The following VPS13C variants were observed in gnomAD, a reference collection of about 807,000 sequenced individuals.
VPS13C encodes the protein intermembrane lipid transfer protein VPS13C.
A neutral mutation model predicts 456.8 loss-of-function variants in VPS13C; 358 were observed. That is an observed-to-expected ratio of 0.78 (90% CI 0.72 to 0.86). The LOEUF (loss-of-function observed/expected upper bound fraction) is 0.86, where lower values mean the gene tolerates loss of function less well. Ranked by LOEUF, VPS13C falls within the 40% of genes least tolerant of loss-of-function variation. The probability of loss-of-function intolerance (pLI) is 0.00; values close to 1 mark genes in which losing one functional copy is unlikely to be tolerated. For synonymous variants in VPS13C, 1,578 were observed against 1,486.7 expected, an observed-to-expected ratio of 1.06 and a Z score of -1.41; for missense variants, 4,818 against 4,385.4, an observed-to-expected ratio of 1.10 and a Z score of -2.79.
intron 16 of VPS13C, among the ~76,000 whole-genome samples, chr15:61,992,213 T>C (rs1473406093): frequency 8.5e-5 from 13 of 152,186 alleles, no homozygotes; most frequent in East Asian, 1.9e-4. Flanking sequence ...AGAATTCATA[T>C]ACAATGCTGG....
chr15:62,045,374 G>A lies in VPS13C; in HGVS notation c.101-1119C>T, dbSNP rs1304361561. On this transcript the variant is annotated intron_variant, in intron 1 of 84. Transcript: ENST00000644861. ...AGAAGCGTACACAAGATGAAAAGGA[G>A]GAGTCACCTAATTGCCTAGGGAAAT... 3.9e-5 allele frequency among the ~76,000 whole-genome samples: 6 copies of A among 152,184 alleles called. No individual in the cohort carries two copies. In the East Asian group the frequency reaches 1.2e-3, roughly 29 times the overall value.
Position 61,869,592 on chromosome 15 carries a change from A to G in VPS13C, c.10656T>C (p.Phe3552=). 6.2e-7 allele frequency: 1 copy of G among 1,614,156 alleles called. No individual in the cohort carries two copies. The highest frequency in any genetic ancestry group is 8.5e-7 in the Non-Finnish European group (1 of 1,180,008). The change falls in exon 80 of 85, where the codon TTT becomes TTC. Residue 3552 remains phenylalanine (F), a synonymous_variant. Transcript: ENST00000644861. ...CCACAAGCCCTTTTCCAATTCCTTT[A>G]AAGAATCCAGCAGCTCCTTCCTTTT... ...GAKKEGAAGF[F]KGIGKGLVGA...
rs776704446 is a variant in VPS13C, at chr15:62,008,685, T to C, written c.1088A>G (p.Tyr363Cys). 4 of 1,607,112 alleles carry C rather than the reference T, an allele frequency of 2.5e-6. No individual in the cohort carries two copies. Among genetic ancestry groups the C allele is most frequent in the South Asian group, 1.1e-5 (1 of 89,634 alleles). ...TCGACCATTGGTATGAAGTGGTAAA[T>C]AAGGCTTGTATTTCCTATAAGGCGC... Reference protein sequence around the residue: ...RNAPYRKYKPYLPLHTNGRRW... With the variant: ...RNAPYRKYKPCLPLHTNGRRW... The change falls in exon 14 of 85, where the codon TAT becomes TGT. Residue 363 changes from tyrosine (Y) to cysteine (C), a missense_variant. By Grantham distance (194) the Tyr-to-Cys change is radical. Around this residue, in one of 3 missense-constraint regions of VPS13C, gnomAD observed 4,552 missense variants for 4,130.6 expected, o/e 1.10. Coordinates refer to ENST00000644861, the MANE Select transcript of VPS13C (RefSeq NM_020821.3).
chr15:61,866,392 T>C, intron 81 of VPS13C: 13 of 983,418 alleles, frequency 1.3e-5, no homozygotes, highest in Non-Finnish European at 1.6e-5. Context: ...TATAAAAAGA[T>C]ATCACAAGGA....
Position 61,867,559 on chromosome 15 carries a change from T to A in VPS13C, c.10863+1100A>T. ...ACATAAACATATTAATTGGACATAA[T>A]AATTGTCCTGTTTTTCAATTTTACC... On this transcript the variant is annotated intron_variant, in intron 81 of 84. Coordinates refer to ENST00000644861, the MANE Select transcript of VPS13C (RefSeq NM_020821.3). This position sits in a 1 kb window ranked among gnomAD's most constrained non-coding sequence, Gnocchi z 5.0. The A allele has an allele frequency of 9.8e-7, 1 of 1,015,810 alleles. No individual in the cohort carries two copies. Among genetic ancestry groups the A allele is most frequent in the Non-Finnish European group, 1.2e-6 (1 of 850,764 alleles). The allele number at this position is 1,015,810 out of a possible 1,614,324, so 62.9% of individuals were successfully genotyped here.
At chr15:61,964,023 T>C (rs1378612988) in intron 31 of VPS13C, 72 bp from the exon 32 acceptor site, 6 of 921,368 alleles carry the variant, frequency 6.5e-6, no homozygotes, top group Non-Finnish European at 8.3e-6. Context: ...GTTTATTCGC[T>C]ATATTAAGTG....
chr15:61,927,405 T>C (rs2043891683), intron 51 of VPS13C, 85 bp from the exon 52 acceptor site: 2 of 1,052,140 alleles, frequency 1.9e-6, no homozygotes, highest in Non-Finnish European at 2.8e-6. Flanking sequence ...TGTTAAGTTG[T>C]TCTCAATGTT....
At chr15:61,999,973 T>G (rs115392235) in intron 16 of VPS13C, among the ~76,000 whole-genome samples, 30 of 151,474 alleles carry the variant, frequency 2.0e-4, no homozygotes, top group Non-Finnish European at 3.7e-4. Context: ...GAAAAACTGA[T>G]AGCCAAAATT....
At chr15:62,024,845 T>A (rs1217744892) in intron 6 of VPS13C, among the ~76,000 whole-genome samples, 4 of 152,098 alleles carry the variant, frequency 2.6e-5, no homozygotes, top group African/African-American at 9.7e-5. Flanking sequence ...TTCTAATGCC[T>A]AATGCCTCTA....
intron 35 of VPS13C, among the ~76,000 whole-genome samples, chr15:61,960,298 A>G (rs1596385189): frequency 6.6e-6 from 1 of 152,180 alleles, no homozygotes; most frequent in African/African-American, 2.4e-5. Context: ...AAGACAAAGA[A>G]AAGCTGAAGA....
At chr15:61,939,483 T>C (rs527831966) in intron 47 of VPS13C, among the ~76,000 whole-genome samples, 11 of 152,344 alleles carry the variant, frequency 7.2e-5, no homozygotes, top group African/African-American at 2.2e-4. Flanking sequence ...GAACCAACTC[T>C]GAAATAATCA....
intron 15 of VPS13C, among the ~76,000 whole-genome samples, chr15:62,006,071 T>G (rs964552552): frequency 6.7e-5 from 10 of 148,662 alleles, no homozygotes; most frequent in African/African-American, 2.4e-4. Flanking sequence ...GCTGTTTTTT[T>G]GTTTTTGTTT....
chr15:61,856,436 T>C, intron 82 of VPS13C, 27 bp from the exon 83 acceptor site: 1 of 1,609,594 alleles, frequency 6.2e-7, no homozygotes, highest in South Asian at 1.1e-5. Context: ...AACAAAAACT[T>C]ACAGTAAATG....
At position 61,982,579 on chromosome 15, in the gene VPS13C, A is replaced by G. The variant is rs771941212; in HGVS notation, c.1915-6T>C. The G allele has an allele frequency of 1.1e-5, 17 of 1,592,304 alleles. No individual in the cohort carries two copies. Among genetic ancestry groups the G allele is most frequent in the South Asian group, 2.3e-5 (2 of 86,330 alleles). On this transcript the variant is annotated splice_polypyrimidine_tract_variant and splice_region_variant and intron_variant, in intron 20 of 84. Transcript: ENST00000644861. The stretch of plus-strand genomic sequence containing the variant: ...ACCACTGCATTGACAGTTTTCTATA[A>G]GAAAATTTTTTTAACATAACCAAGT...
chr15:62,030,986 G>T (rs532513996), intron 5 of VPS13C, among the ~76,000 whole-genome samples: 3 of 151,994 alleles, frequency 2.0e-5, no homozygotes, highest in African/African-American at 7.2e-5. Flanking sequence ...TAGCATTTGC[G>T]AATCTTTTGG....
intron 16 of VPS13C, among the ~76,000 whole-genome samples, chr15:62,000,087 C>G (rs1269078026): frequency 6.6e-6 from 1 of 152,032 alleles, no homozygotes; most frequent in East Asian, 1.9e-4. Flanking sequence ...AGTGGCCAGG[C>G]GCAGTGGCTC....
At chr15:62,022,573 A>G (rs895962825) in intron 8 of VPS13C, among the ~76,000 whole-genome samples, 2 of 151,976 alleles carry the variant, frequency 1.3e-5, no homozygotes, top group African/African-American at 4.8e-5. Context: ...TCAAGTCAGT[A>G]TAAGACAGAG....
rs903671613 is a variant in VPS13C, at chr15:61,867,485, G to A, written c.10863+1174C>T. 54 of 988,382 alleles carry A rather than the reference G, an allele frequency of 5.5e-5. No individual in the cohort carries two copies. In the Middle Eastern group the frequency reaches 2.6e-3, roughly 48 times the overall value. 61.2% of individuals were successfully genotyped at this position (988,382 alleles called of 1,614,324 possible). ...GTCCCGTAACTTAAGCAAATTTAGA[G>A]CCATTTGTGAAACAGAAAGCTATGT... On this transcript the variant is annotated intron_variant, in intron 81 of 84. Transcript: ENST00000644861. The surrounding 1 kb of genome is among the most constrained non-coding windows in gnomAD (Gnocchi z 5.0).
intron 40 of VPS13C, 42 bp downstream of exon 40, chr15:61,950,903 T>C (rs775080020): frequency 5.3e-6 from 7 of 1,313,742 alleles, no homozygotes; most frequent in African/African-American, 1.5e-5. Flanking sequence ...TATAACTTCA[T>C]ATATTCAAAT....
Sources: gnomAD v4.1 joint callset for allele counts (sites outside exome capture counted in the v4.1 genomes callset) on GRCh38, gnomAD v4.1.1 for gene constraint, gnomAD v4.1.1 regional missense constraint, Gnocchi (gnomAD v3.1) non-coding constraint, MANE v1.5 for transcripts, NCBI Gene and HGNC (gene_info 2026-07-23, HGNC 2026-07-21) for gene names.